CYP2C19: variants seen among roughly 807,000 people sequenced by gnomAD.
CYP2C19 encodes cytochrome P450 2C19.
CYP2C19 carries 59 observed loss-of-function variants against 40.9 expected under a neutral mutation model. The observed-to-expected ratio is 1.44, with a 90% CI of 1.17 to 1.79. CYP2C19 has a LOEUF of 1.79. Ranked by LOEUF, CYP2C19 falls within the 40% of genes most tolerant of loss-of-function variation. The probability of loss-of-function intolerance (pLI) is 0.00; values close to 1 mark genes in which losing one functional copy is unlikely to be tolerated. For synonymous variants in CYP2C19, 253 were observed against 208.7 expected, an observed-to-expected ratio of 1.21 and a Z score of -1.83; for missense variants, 754 against 596.9, an observed-to-expected ratio of 1.26 and a Z score of -2.74.
chr10:94,821,069 TG>T (rs1278596017), intron 6 of CYP2C19, among the ~76,000 whole-genome samples: 1 of 151,142 alleles, frequency 6.6e-6, no homozygotes, highest in African/African-American at 2.4e-5. Flanking sequence ...GGTGACAGAG[TG>T]GGACCCTGTC....
intron 6 of CYP2C19, among the ~76,000 whole-genome samples, chr10:94,842,011 G>A (rs1304516840): frequency 1.3e-5 from 2 of 152,098 alleles, no homozygotes; most frequent in African/African-American, 4.8e-5. Flanking sequence ...AGACCCATTT[G>A]GTCTATAGTG....
chr10:94,821,247 A>T (rs978610423), intron 6 of CYP2C19, among the ~76,000 whole-genome samples: 1 of 152,176 alleles, frequency 6.6e-6, no homozygotes, highest in Admixed American at 6.5e-5. Flanking sequence ...GCAGGAAGAG[A>T]CAACATAAGT....
chr10:94,798,170 C>T (rs938978168), intron 5 of CYP2C19, among the ~76,000 whole-genome samples: 6 of 152,096 alleles, frequency 3.9e-5, no homozygotes, highest in African/African-American at 1.2e-4. Context: ...AAATGTGTCC[C>T]AGAGATTCTA....
chr10:94,803,924 G>A (rs1180517239), intron 5 of CYP2C19, among the ~76,000 whole-genome samples: 1 of 152,132 alleles, frequency 6.6e-6, no homozygotes, highest in African/African-American at 2.4e-5. Context: ...GGGCCCCCTT[G>A]CACCATGATC....
intron 1 of CYP2C19, among the ~76,000 whole-genome samples, chr10:94,764,019 G>C (rs1848209002): frequency 6.6e-6 from 1 of 152,078 alleles, no homozygotes; most frequent in Admixed American, 6.5e-5. Flanking sequence ...GTCTGGAGTT[G>C]TTCATTCCTC....
At chr10:94,850,816 A>G (rs901528822) in intron 8 of CYP2C19, among the ~76,000 whole-genome samples, 2 of 152,178 alleles carry the variant, frequency 1.3e-5, no homozygotes, top group African/African-American at 4.8e-5. Flanking sequence ...GGATGGGATC[A>G]GGGGGACATT....
chr10:94,769,803 T>C (rs1462244974), intron 1 of CYP2C19, among the ~76,000 whole-genome samples: 2 of 152,168 alleles, frequency 1.3e-5, no homozygotes, highest in East Asian at 1.9e-4. Context: ...AAATTGTCCT[T>C]CCAGTGCCCA....
At position 94,775,068 on chromosome 10, in the gene CYP2C19, T is replaced by C. The variant is rs1848387737; in HGVS notation, c.179T>C (p.Ile60Thr). The C allele has an allele frequency of 6.2e-7, 1 of 1,614,058 alleles. No homozygotes were observed. The highest frequency in any genetic ancestry group is 8.5e-7 in the Non-Finnish European group (1 of 1,179,998). Residue 60 changes from isoleucine to threonine, a missense_variant, in exon 2 of 9, where the codon ATC (isoleucine) becomes ACC (threonine). Transcript: ENST00000371321. Reference protein sequence around the residue: ...VSKSLTNLSKIYGPVFTLYFG... With the variant: ...VSKSLTNLSKTYGPVFTLYFG... ...TATCTCCTTTTCTAGCTCTCAAAAA[T>C]CTATGGCCCTGTGTTCACTCTGTAT...
intron 4 of CYP2C19, 84 bp from the exon 5 acceptor site, chr10:94,781,737 T>A: frequency 1.6e-6 from 1 of 608,358 alleles, no homozygotes. Flanking sequence ...TATTTATAGT[T>A]TTAAATTACA....
At chr10:94,773,679 T>A (rs1170480535) in intron 1 of CYP2C19, among the ~76,000 whole-genome samples, 2 of 152,196 alleles carry the variant, frequency 1.3e-5, no homozygotes, top group African/African-American at 4.8e-5. Context: ...GAGTTGTTCG[T>A]TCCTCCTGGT....
chr10:94,793,499 C>A (rs544614096), intron 5 of CYP2C19, among the ~76,000 whole-genome samples: 2 of 152,160 alleles, frequency 1.3e-5, no homozygotes, highest in South Asian at 4.1e-4. Context: ...TTTTATCTAC[C>A]TTTTGTCTTT....
At chr10:94,832,835 CTG>C (rs1223346015) in intron 6 of CYP2C19, among the ~76,000 whole-genome samples, 1 of 151,890 alleles carries the variant, frequency 6.6e-6, no homozygotes, top group African/African-American at 2.4e-5. Flanking sequence ...TTTATTGAAT[CTG>C]TGGATTGTTT....
chr10:94,785,909 C>T (rs181158312), intron 5 of CYP2C19, among the ~76,000 whole-genome samples: 18 of 152,186 alleles, frequency 1.2e-4, no homozygotes, highest in Non-Finnish European at 1.9e-4. Flanking sequence ...TGCATAATAA[C>T]ATTAGAGTGG....
chr10:94,830,407 G>A (rs577540871), intron 6 of CYP2C19, among the ~76,000 whole-genome samples: 1 of 152,194 alleles, frequency 6.6e-6, no homozygotes, highest in Non-Finnish European at 1.5e-5. Context: ...GGGTGGGAGT[G>A]ACCCGATTTT....
chr10:94,840,609 G>A (rs1379541269), intron 6 of CYP2C19, among the ~76,000 whole-genome samples: 1 of 152,220 alleles, frequency 6.6e-6, no homozygotes, highest in Non-Finnish European at 1.5e-5. Flanking sequence ...TCGTGGTCAG[G>A]ACCCAGGAGG....
Position 94,785,764 on chromosome 10 carries a change from C to G in CYP2C19, c.819+3767C>G, listed in dbSNP as rs76081737. 1.6e-3 allele frequency among the ~76,000 whole-genome samples: 241 copies of G among 152,142 alleles called. 1 individual carries two copies. Among genetic ancestry groups the G allele is most frequent in the Non-Finnish European group, 2.8e-3 (188 of 67,996 alleles). On this transcript the variant is annotated intron_variant, in intron 5 of 8. Transcript: ENST00000371321. ...TAGACAAGCAAGCTGGAAGCCTGCC[C>G]GGTGAATGCTGATAGGAAAGAACTA...
At chr10:94,775,255 T>C (rs1268591206) in intron 2 of CYP2C19, 35 bp downstream of exon 2, 1 of 1,613,636 alleles carries the variant, frequency 6.2e-7, no homozygotes, top group Admixed American at 1.7e-5. Context: ...GCATCTGTCT[T>C]GGGGATGGGG....
At chr10:94,793,913 A>G (rs1848645000) in intron 5 of CYP2C19, among the ~76,000 whole-genome samples, 1 of 152,164 alleles carries the variant, frequency 6.6e-6, no homozygotes, top group African/African-American at 2.4e-5. Context: ...TTAAGTCTGC[A>G]GAAGTTTCTG....
intron 5 of CYP2C19, among the ~76,000 whole-genome samples, chr10:94,816,431 A>G (rs116406759): frequency 1.3e-3 from 192 of 152,266 alleles, no homozygotes; most frequent in African/African-American, 4.4e-3. Flanking sequence ...TAGAGAAAAT[A>G]TAAGTGGTAA....
Sources: gnomAD v4.1 joint callset for allele counts (sites outside exome capture counted in the v4.1 genomes callset) on GRCh38, gnomAD v4.1.1 for gene constraint, MANE v1.5 for transcripts, NCBI Gene and HGNC (gene_info 2026-07-23, HGNC 2026-07-21) for gene names.